CLDN10: variants seen among roughly 807,000 people sequenced by gnomAD.
CLDN10 encodes the protein claudin 10.
CLDN10 carries 15 observed loss-of-function variants against 22.9 expected under a neutral mutation model. The ratio of observed to expected loss-of-function variants is 0.65; its 90% CI spans 0.44 to 1.01. The LOEUF is 1.01. CLDN10 is among the 50% of genes least tolerant of loss of function. The pLI, the probability that CLDN10 is intolerant of heterozygous loss-of-function variation, is 0.00. For synonymous variants in CLDN10, 114 were observed against 111.4 expected (o/e 1.02, Z -0.15); for missense variants, 247 against 287.8 (o/e 0.86, Z 1.03).
At chr13:95,540,543 A>G (rs1485888609) in intron 1 of CLDN10, among the ~76,000 whole-genome samples, 3 of 152,196 alleles carry the variant, frequency 2.0e-5, no homozygotes, top group Non-Finnish European at 4.4e-5. Context: ...TAATTACAAA[A>G]GACCACTTTT....
chr13:95,552,684 C>T, upstream of CLDN10: 4 of 1,478,222 alleles, frequency 2.7e-6, no homozygotes, highest in African/African-American at 2.9e-5. Flanking sequence ...GGCGGAGCCC[C>T]GGGGTTGGGA....
intron 1 of CLDN10, among the ~76,000 whole-genome samples, chr13:95,439,835 A>G (rs2042307817): frequency 6.6e-6 from 1 of 152,224 alleles, no homozygotes; most frequent in Admixed American, 6.5e-5. Context: ...AATAAATACC[A>G]AACAACAATA....
intron 1 of CLDN10, among the ~76,000 whole-genome samples, chr13:95,547,046 CTTT>C (rs34873593): frequency 1.5e-5 from 2 of 131,308 alleles, no homozygotes; most frequent in Non-Finnish European, 3.2e-5. Context: ...GGCTGGCTAA[CTTT>C]TTTTTTTTTT....
At chr13:95,529,107 AT>A (rs988810369) in intron 1 of CLDN10, among the ~76,000 whole-genome samples, 34 of 149,602 alleles carry the variant, frequency 2.3e-4, no homozygotes, top group African/African-American at 4.9e-4. Flanking sequence ...CATGTCTAGT[AT>A]TTTTTTTTTA....
chr13:95,461,038 G>A (rs2042531828), intron 1 of CLDN10, among the ~76,000 whole-genome samples: 1 of 152,148 alleles, frequency 6.6e-6, no homozygotes, highest in Admixed American at 6.5e-5. Context: ...CTTGAATCAG[G>A]GAGGTGGAGG....
intron 1 of CLDN10, among the ~76,000 whole-genome samples, chr13:95,492,754 C>T (rs904939598): frequency 1.3e-5 from 2 of 152,116 alleles, no homozygotes; most frequent in Non-Finnish European, 2.9e-5. Flanking sequence ...AGTTTTACCC[C>T]CTTCTCCTCT....
chr13:95,451,232 C>T (rs1161050318), intron 1 of CLDN10, among the ~76,000 whole-genome samples: 1 of 152,240 alleles, frequency 6.6e-6, no homozygotes, highest in African/African-American at 2.4e-5. Flanking sequence ...CCTCCTGCTT[C>T]AATCGAACTG....
At chr13:95,495,930 T>C (rs568971091) in intron 1 of CLDN10, among the ~76,000 whole-genome samples, 4 of 152,194 alleles carry the variant, frequency 2.6e-5, no homozygotes, top group Admixed American at 6.5e-5. Context: ...TGGACTGTTC[T>C]TTCTGTTCTT....
intron 1 of CLDN10, among the ~76,000 whole-genome samples, chr13:95,467,050 T>C (rs1199996399): frequency 1.4e-5 from 2 of 148,076 alleles, no homozygotes; most frequent in Admixed American, 6.8e-5. Context: ...TTTTTTTTTT[T>C]GTATTTTTAG....
intron 1 of CLDN10, among the ~76,000 whole-genome samples, chr13:95,452,270 C>T (rs1292196547): frequency 6.6e-6 from 1 of 152,220 alleles, no homozygotes; most frequent in Non-Finnish European, 1.5e-5. Context: ...CATGAAAAAT[C>T]TCAGGCACCC....
chr13:95,439,632 C>T (rs978466616), intron 1 of CLDN10, among the ~76,000 whole-genome samples: 5 of 152,038 alleles, frequency 3.3e-5, no homozygotes, highest in African/African-American at 1.2e-4. Flanking sequence ...CCATGCCCAG[C>T]CTCTGGGGCC....
At chr13:95,565,020 G>T (rs1452884797) in intron 3 of CLDN10, among the ~76,000 whole-genome samples, 1 of 151,472 alleles carries the variant, frequency 6.6e-6, no homozygotes, top group African/African-American at 2.4e-5. Context: ...TATGTTTGAT[G>T]ACTCCAGCAT....
chr13:95,458,213 T>C lies in CLDN10; in HGVS notation c.214+24166T>C, dbSNP rs145013096. Among the ~76,000 whole-genome samples, 56 of 152,306 alleles carry C rather than the reference T, an allele frequency of 3.7e-4. No homozygotes were observed. The East Asian group carries it at 4.2e-3, about 12-fold the overall frequency. ...ATTGTATCATGTCTATGACATCCCA[T>C]TGGTCAAAGCAAGTCATATGGCCAA... On this transcript the variant is annotated intron_variant, in intron 1 of 4. Transcript: ENST00000376873.
At chr13:95,530,868 A>G (rs1308660875) in intron 1 of CLDN10, among the ~76,000 whole-genome samples, 5 of 152,096 alleles carry the variant, frequency 3.3e-5, no homozygotes, top group Non-Finnish European at 1.5e-5. Context: ...GATCCTTCCT[A>G]GAAACACCTC....
At chr13:95,483,925 G>A (rs543729675) in intron 1 of CLDN10, among the ~76,000 whole-genome samples, 14 of 152,160 alleles carry the variant, frequency 9.2e-5, no homozygotes, top group East Asian at 1.9e-4. Flanking sequence ...TGGAGCCCTC[G>A]GGATGGGATT....
At chr13:95,461,922 T>C (rs2042540399) in intron 1 of CLDN10, among the ~76,000 whole-genome samples, 1 of 151,772 alleles carries the variant, frequency 6.6e-6, no homozygotes, top group South Asian at 2.1e-4. Flanking sequence ...CAAGACCCCA[T>C]GTCTACAAAA....
intron 1 of CLDN10, among the ~76,000 whole-genome samples, chr13:95,511,255 A>G (rs1374904318): frequency 6.6e-6 from 1 of 152,144 alleles, no homozygotes; most frequent in African/African-American, 2.4e-5. Flanking sequence ...ACAGATTAGT[A>G]TCATTTATCC....
chr13:95,516,394 G>A (rs971305), intron 1 of CLDN10, among the ~76,000 whole-genome samples: 128,464 of 152,088 alleles, frequency 0.84, 54,632 homozygotes, highest in East Asian at 0.96. Context: ...CACAGAGACC[G>A]AGCAGCATAT....
intron 1 of CLDN10, among the ~76,000 whole-genome samples, chr13:95,540,321 TAAATAA>T (rs1382588381): frequency 1.3e-5 from 2 of 149,590 alleles, no homozygotes; most frequent in Non-Finnish European, 3.0e-5. Flanking sequence ...AATAAATAAA[TAAATAA>T]ATAAATAAAT....
Sources: gnomAD v4.1 joint callset for allele counts (sites outside exome capture counted in the v4.1 genomes callset) on GRCh38, gnomAD v4.1.1 for gene constraint, MANE v1.5 for transcripts, NCBI Gene and HGNC (gene_info 2026-07-23, HGNC 2026-07-21) for gene names.